Variants in KMT2C observed in about 807,000 individuals in gnomAD.
The protein encoded by KMT2C is histone-lysine N-methyltransferase 2C.
In KMT2C, 88 loss-of-function variants were observed where a neutral mutation model predicts 507.9. The observed-to-expected ratio is 0.17, with a 90% CI of 0.15 to 0.21. The LOEUF (loss-of-function observed/expected upper bound fraction) is 0.21. Among genes scored for constraint, KMT2C ranks in the 10% least tolerant of loss-of-function variants. KMT2C has a pLI of 1.00. For missense variants in KMT2C, 4,954 were observed against 5,957.8 expected (o/e 0.83, Z 5.55); for synonymous variants, 2,049 against 2,080.8 (o/e 0.98, Z 0.42).
rs773337356 is a variant in KMT2C at position 152,205,081 on chromosome 7, A to T, written c.3961+25T>A. On this transcript the variant is annotated intron_variant, in intron 25 of 58. Transcript: ENST00000262189. ...ACCAAAGGGTTACATTAAAAAAAAA[A>T]TTTTTTTTTAAGTCAGTACTATACC... 3.6e-4 allele frequency: 530 copies of T among 1,473,276 alleles called. 2 individuals are homozygous for T. Among genetic ancestry groups the T allele is most frequent in the African/African-American group, 6.5e-4 (45 of 69,376 alleles). The allele number at this position is 1,473,276 out of a possible 1,614,324, so 91.3% of individuals were successfully genotyped here.
chr7:152,154,281 C>T lies in KMT2C; in HGVS notation c.12125G>A (p.Ser4042Asn), dbSNP rs2129098650. 2 of 1,614,058 alleles carry T rather than the reference C, an allele frequency of 1.2e-6. No homozygotes were observed. Among genetic ancestry groups the T allele is most frequent in the East Asian group, 4.5e-5 (2 of 44,876 alleles). ...VPSPIIPILP[S>N]TAGKSSESRR... ...GTTGTTCTTACTTTTCCCAGCAGTG[C>T]TAGGAAGAATTGGAATGATGGGGGA... Residue 4042 changes from serine (S) to asparagine (N), a missense_variant, in exon 47 of 59, where the codon AGC (serine) becomes AAC (asparagine). By Grantham distance (46) the Ser-to-Asn change is conservative. This residue lies in a region of KMT2C where 417 missense variants were observed against 461.1 expected (regional missense o/e 0.90). Transcript: ENST00000262189.
chr7:152,255,142 T>TATAC (rs1554583958), intron 9 of KMT2C, among the ~76,000 whole-genome samples: 142 of 126,208 alleles, frequency 1.1e-3, no homozygotes, highest in Non-Finnish European at 1.7e-3. Context: ...TATATATATA[T>TATAC]ATACATATAT....
At chr7:152,423,647 C>T (rs2097792563) in intron 1 of KMT2C, among the ~76,000 whole-genome samples, 1 of 152,172 alleles carries the variant, frequency 6.6e-6, no homozygotes, top group South Asian at 2.1e-4. Flanking sequence ...AGCCTCAGTA[C>T]CTACCCTCCA....
intron 6 of KMT2C, among the ~76,000 whole-genome samples, chr7:152,287,111 G>A (rs559604643): frequency 1.1e-4 from 17 of 152,254 alleles, no homozygotes; most frequent in Admixed American, 6.5e-5. Flanking sequence ...GAGCAGTAAC[G>A]CGGCTTCCTC....
chr7:152,217,940 C>A (rs1019882341), intron 23 of KMT2C, among the ~76,000 whole-genome samples: 21 of 152,138 alleles, frequency 1.4e-4, no homozygotes, highest in African/African-American at 5.1e-4. Flanking sequence ...CATTTTTTAA[C>A]ATCCTCAGAA....
At chr7:152,302,161 TGGA>T (rs758172190) in intron 6 of KMT2C, among the ~76,000 whole-genome samples, 4 of 151,972 alleles carry the variant, frequency 2.6e-5, no homozygotes, top group Non-Finnish European at 4.4e-5. Context: ...GGGATGAGGG[TGGA>T]GAAGGAAGAG....
rs1447715721 is a variant in KMT2C at position 152,330,697 on chromosome 7, ACTTCTGCTTCAGCATCCT to A, written c.275_292del (p.Glu92_Glu97del). 6.2e-7 allele frequency: 1 copy of A among 1,613,804 alleles called. No individual in the cohort carries two copies. The highest frequency in any genetic ancestry group is 2.2e-5 in the East Asian group (1 of 44,890). On this transcript the variant is annotated inframe_deletion, in exon 3 of 59. Transcript: ENST00000262189. ...TGGAATTAGCTGTTTGCTGTTATCC[ACTTCTGCTTCAGCATCCT>A]CTTCTGCAGATTGTTCTTTGATTTC...
chr7:152,327,307 G>A (rs1010463975), intron 3 of KMT2C, among the ~76,000 whole-genome samples: 2 of 152,132 alleles, frequency 1.3e-5, no homozygotes, highest in African/African-American at 4.8e-5. Context: ...ACAAGTATTA[G>A]ATGAGGACTA....
At chr7:152,419,510 T>C (rs1380427631) in intron 1 of KMT2C, among the ~76,000 whole-genome samples, 1 of 152,246 alleles carries the variant, frequency 6.6e-6, no homozygotes, top group Non-Finnish European at 1.5e-5. Context: ...TTATACTTCA[T>C]TTGATACTTA....
intron 2 of KMT2C, among the ~76,000 whole-genome samples, chr7:152,351,331 T>C (rs2097109137): frequency 6.6e-6 from 1 of 152,200 alleles, no homozygotes; most frequent in Non-Finnish European, 1.5e-5. Context: ...TGGGTTTGTT[T>C]ACACCAGCAT....
At chr7:152,220,466 T>C (rs2094730767) in intron 23 of KMT2C, 57 bp downstream of exon 23, 2 of 1,338,974 alleles carry the variant, frequency 1.5e-6, no homozygotes, top group East Asian at 2.3e-5. Flanking sequence ...TTTCAAAAGT[T>C]ACTTTATATG....
At chr7:152,299,804 T>TA (rs1248801817) in intron 6 of KMT2C, among the ~76,000 whole-genome samples, 2 of 151,892 alleles carry the variant, frequency 1.3e-5, no homozygotes, top group African/African-American at 4.8e-5. Context: ...ATTGTCTTCT[T>TA]ATATGTTTTT....
In KMT2C at chr7:152,151,000, C is replaced by T. The variant is rs781715925; in HGVS notation, c.12674G>A (p.Arg4225Gln). 36 of 1,598,864 alleles carry T rather than the reference C, an allele frequency of 2.3e-5. No homozygotes were observed. In the East Asian group the frequency reaches 4.7e-4, roughly 21 times the overall value. ...KDLTLLNKDS[R>Q]ESTKRVEKDI... The stretch of plus-strand genomic sequence containing the variant: ...CTTCTCTACCCTCTTGGTGCTTTCT[C>T]GGGAATCCTGAAAAGCAAAGAGAAA... Residue 4225 changes from arginine to glutamine, a missense_variant, in exon 51 of 59, where the codon CGA (arginine) becomes CAA (glutamine). Arg to Gln is a conservative substitution (Grantham distance 43, BLOSUM62 1). Coordinates refer to ENST00000262189, the MANE Select transcript of KMT2C (RefSeq NM_170606.3).
Position 152,162,138 on chromosome 7 carries a change from C to T in KMT2C, c.11439G>A (p.Lys3813=), listed in dbSNP as rs2129103570. 1 of 1,568,190 alleles carries T rather than the reference C, an allele frequency of 6.4e-7. No homozygotes were observed. Among genetic ancestry groups the T allele is most frequent in the Non-Finnish European group, 8.6e-7 (1 of 1,160,732 alleles). Residue 3813 remains lysine (K), a synonymous_variant, in exon 43 of 59, where the codon AAG becomes AAA. Coordinates refer to ENST00000262189, the MANE Select transcript of KMT2C (RefSeq NM_170606.3). The stretch of plus-strand genomic sequence containing the variant: ...TTACCAGTCCTTCAGCTGGGTTCTG[C>T]TTCTCAACTAGTTTATTATCCTTTG... ...DCTKDNKLVE[K]QNPAEGLQTL... is the part of the protein sequence containing the mutation.
At chr7:152,191,489 G>A (rs999685397) in intron 31 of KMT2C, among the ~76,000 whole-genome samples, 10 of 152,086 alleles carry the variant, frequency 6.6e-5, no homozygotes, top group Non-Finnish European at 1.2e-4. Flanking sequence ...CAATCAGCAC[G>A]GAAGTATCTT....
At chr7:152,268,687 A>G (rs73481084) in intron 7 of KMT2C, among the ~76,000 whole-genome samples, 6,795 of 152,276 alleles carry the variant, frequency 0.045, 240 homozygotes, top group South Asian at 0.09. Flanking sequence ...GTACATTTAA[A>G]AATTGATCTT....
chr7:152,161,296 GA>G (rs1375275640), intron 43 of KMT2C, among the ~76,000 whole-genome samples: 2 of 152,106 alleles, frequency 1.3e-5, no homozygotes, highest in Admixed American at 6.6e-5. Context: ...ATCTTAAAAT[GA>G]AAAAACTGGA....
In KMT2C at chr7:152,238,775, T is replaced by C. The variant is rs2095331348; in HGVS notation, c.2584A>G (p.Ile862Val). Residue 862 changes from isoleucine to valine, a missense_variant, in exon 15 of 59, where the codon ATT (isoleucine) becomes GTT (valine). Ile to Val is a conservative substitution (Grantham distance 29). Around this residue, in one of 29 missense-constraint regions of KMT2C, gnomAD observed 62 missense variants for 137.2 expected, o/e 0.45. Transcript: ENST00000262189. ...TTAAAAATTTCCCGACCTTCTGAAA[T>C]GTCTGGGGACCAGGAAGGTGGGCTC... ...TVSPPSWSPD[I>V]SEGREIFKPR... 1.3e-5 allele frequency: 21 copies of C among 1,610,012 alleles called. No homozygotes were observed. The highest frequency in any genetic ancestry group is 2.2e-5 in the East Asian group (1 of 44,738).
rs1017786669 is a variant in KMT2C at position 152,423,510 on chromosome 7, T to C, written c.161+12116A>G. On this transcript the variant is annotated intron_variant, in intron 1 of 58. Transcript: ENST00000262189. ...TGTATTTTGCTTCATGGGACATGCA[T>C]GTAATGTAATTGGGACTTTAGTAGC... Among the ~76,000 whole-genome samples, 4 of 152,194 alleles carry C rather than the reference T, an allele frequency of 2.6e-5. No homozygotes were observed. In the East Asian group the frequency reaches 5.8e-4, roughly 22 times the overall value.
Sources: gnomAD v4.1 joint callset for allele counts (sites outside exome capture counted in the v4.1 genomes callset) on GRCh38, gnomAD v4.1.1 for gene constraint, gnomAD v4.1.1 regional missense constraint, MANE v1.5 for transcripts, NCBI Gene and HGNC (gene_info 2026-07-23, HGNC 2026-07-21) for gene names.